RPS7: variants seen among roughly 807,000 people sequenced by gnomAD.
RPS7 encodes the protein ribosomal protein S7, also known as small ribosomal subunit protein eS7.
In RPS7, 1 loss-of-function variant was observed where a neutral mutation model predicts 22.1. The observed-to-expected ratio is 0.05, with a 90% CI of 0.02 to 0.21. The LOEUF (loss-of-function observed/expected upper bound fraction) is 0.21. RPS7 is among the 10% of genes least tolerant of loss of function. The probability of loss-of-function intolerance (pLI) is 1.00; values close to 1 mark genes in which losing one functional copy is unlikely to be tolerated. For synonymous variants in RPS7, 80 were observed against 92.0 expected, an observed-to-expected ratio of 0.87 and a Z score of 0.74; for missense variants, 137 against 246.4, an observed-to-expected ratio of 0.56 and a Z score of 2.97.
chr2:3,577,169 A>G, intron 4 of RPS7: 1 of 183,654 alleles, frequency 5.4e-6, no homozygotes, highest in South Asian at 1.0e-4. Flanking sequence ...CCCCGTCTGT[A>G]CTAAAAAATA....
rs898306086 is a variant in RPS7 at position 3,575,317 on chromosome 2, A to C, written c.-52A>C. On this transcript the variant is annotated 5_prime_UTR_variant, in exon 1 of 7. Coordinates refer to ENST00000645674, the MANE Select transcript of RPS7 (RefSeq NM_001011.4). ...CCGGATTTTGACGTGCTCTCGCGAGATTTGGGTCTCTTCCTAAGCCGGCGC... is the reference window on the plus strand; with the variant it reads ...CCGGATTTTGACGTGCTCTCGCGAGCTTTGGGTCTCTTCCTAAGCCGGCGC... The C allele has an allele frequency of 2.1e-6, 1 of 479,594 alleles. No individual in the cohort carries two copies. The highest frequency in any genetic ancestry group is 3.7e-6 in the Non-Finnish European group (1 of 268,158). The allele number at this position is 479,594 out of a possible 1,614,324, so 29.7% of individuals were successfully genotyped here.
intron 3 of RPS7, chr2:3,576,244 G>C (rs1558472271): frequency 6.6e-6 from 4 of 602,124 alleles, no homozygotes; most frequent in Admixed American, 2.9e-5. Context: ...CGCAAGTGGG[G>C]GTGCAGAAGT....
At chr2:3,576,255 G>C in intron 3 of RPS7, 1 of 611,804 alleles carries the variant, frequency 1.6e-6, no homozygotes, top group South Asian at 2.0e-5. Flanking sequence ...GTGCAGAAGT[G>C]GTAGTGATTG....
chr2:3,575,385 C>G (rs1265294567), intron 1 of RPS7, 35 bp downstream of exon 1: 3 of 568,806 alleles, frequency 5.3e-6, no homozygotes, highest in Admixed American at 3.4e-5. Context: ...CAGAACTTTT[C>G]TTCTTGGGTT....
At chr2:3,575,455 A>G in intron 1 of RPS7, 105 bp downstream of exon 1, 1 of 664,514 alleles carries the variant, frequency 1.5e-6, no homozygotes, top group Non-Finnish European at 2.7e-6. Flanking sequence ...CAGGGTGGGG[A>G]TACAGCCGAT....
At chr2:3,580,063 G>C (rs1247785150) in intron 5 of RPS7, 47 bp from the exon 6 acceptor site, 11 of 1,604,370 alleles carry the variant, frequency 6.9e-6, no homozygotes, top group Non-Finnish European at 9.4e-6. Flanking sequence ...GAGTTGCCCA[G>C]AGGGCAGGCG....
Position 3,575,874 on chromosome 2 carries a change from A to G in RPS7, c.133A>G (p.Ile45Val), listed in dbSNP as rs1661264441. ...CAAGGCTCAGCTCAGGGAGCTGAAT[A>G]TTACGGCAGCTAAGGTAAGCTGGCG... ...DLKAQLRELNITAAKEIEVGG... is the reference protein window; with the variant it reads ...DLKAQLRELNVTAAKEIEVGG... Residue 45 changes from isoleucine to valine, a missense_variant, in exon 3 of 7, where the codon ATT (isoleucine) becomes GTT (valine). Ile to Val is a conservative substitution (Grantham distance 29). Transcript: ENST00000645674. 1 of 1,609,108 alleles carries G rather than the reference A, an allele frequency of 6.2e-7. No individual in the cohort carries two copies. The highest frequency in any genetic ancestry group is 8.5e-7 in the Non-Finnish European group (1 of 1,177,886).
intron 5 of RPS7, chr2:3,579,506 A>G (rs575140110): frequency 6.1e-6 from 1 of 164,232 alleles, no homozygotes. Context: ...CCGTCTCTTG[A>G]CTTACTCCTG....
In RPS7 at chr2:3,576,621, T is replaced by C; in HGVS notation, c.282T>C (p.Phe94=). Residue 94 remains phenylalanine, a synonymous_variant, in exon 4 of 7, where the codon TTT becomes TTC. Coordinates refer to ENST00000645674, the MANE Select transcript of RPS7 (RefSeq NM_001011.4). ...AGTTCAGTGGGAAGCATGTCGTCTT[T>C]ATCGCTCAGGTATCTGTTCTACTGT... is the stretch of plus-strand genomic sequence containing the variant. ...EKKFSGKHVV[F]IAQRRILPKP... 2 of 1,614,216 alleles carry C rather than the reference T, an allele frequency of 1.2e-6. No homozygotes were observed. Among genetic ancestry groups the C allele is most frequent in the Non-Finnish European group, 1.7e-6 (2 of 1,180,034 alleles).
Position 3,576,220 on chromosome 2 carries a change from T to A in RPS7, c.148-267T>A, listed in dbSNP as rs1002080166. Reference sequence around the variant, plus strand: ...CTCAGGATGAGATTCTCTCTACCCTTAGCCCGGAGTTGCCGCAAGTGGGGG... The same window carrying A: ...CTCAGGATGAGATTCTCTCTACCCTAAGCCCGGAGTTGCCGCAAGTGGGGG... On this transcript the variant is annotated intron_variant, in intron 3 of 6. Transcript: ENST00000645674. 9 of 594,996 alleles carry A rather than the reference T, an allele frequency of 1.5e-5. No individual in the cohort carries two copies. In the African/African-American group the frequency reaches 1.7e-4, roughly 11 times the overall value. 36.9% of individuals were successfully genotyped at this position (594,996 alleles called of 1,614,324 possible).
At chr2:3,577,010 A>C (rs562578785) in intron 4 of RPS7, 14 of 315,202 alleles carry the variant, frequency 4.4e-5, no homozygotes, top group South Asian at 3.9e-4. Context: ...CCACAAGTCT[A>C]GTGGGTTGCT....
chr2:3,575,751 C>G lies in RPS7; in HGVS notation c.76-66C>G, dbSNP rs1572357791. 6 of 1,593,024 alleles carry G rather than the reference C, an allele frequency of 3.8e-6. No homozygotes were observed. In the East Asian group the frequency reaches 1.1e-4, roughly 30 times the overall value. ...CCGCCCGGGAGGGGAGGCGGCCGCG[C>G]GTGTGTTGGGCCCGGGGTGCTCGGA... is the stretch of plus-strand genomic sequence containing the variant. On this transcript the variant is annotated intron_variant, in intron 2 of 6. Coordinates refer to ENST00000645674, the MANE Select transcript of RPS7 (RefSeq NM_001011.4).
chr2:3,579,736 A>G, intron 5 of RPS7: 1 of 314,288 alleles, frequency 3.2e-6, no homozygotes, highest in Non-Finnish European at 6.1e-6. Flanking sequence ...GGAGATGAGC[A>G]AGAGTGTTAA....
At chr2:3,576,368 T>C (rs1332238785) in intron 3 of RPS7, 119 bp from the exon 4 acceptor site, 2 of 863,758 alleles carry the variant, frequency 2.3e-6, no homozygotes, top group African/African-American at 1.7e-5. Context: ...AACTCAAAAC[T>C]AGTATTAGTT....
rs772118458 is a variant in RPS7, at chr2:3,576,594, A to G, written c.255A>G (p.Lys85=). The G allele has an allele frequency of 2.5e-6, 4 of 1,614,236 alleles. No homozygotes were observed. The South Asian group carries it at 3.3e-5, about 13-fold the overall frequency. Residue 85 remains lysine, a synonymous_variant, in exon 4 of 7, where the codon AAA becomes AAG. Coordinates refer to ENST00000645674, the MANE Select transcript of RPS7 (RefSeq NM_001011.4). The part of the protein sequence containing the change: ...IQVRLVRELE[K]KFSGKHVVFI... Reference sequence around the variant, plus strand: ...TCCGGCTAGTACGCGAATTGGAGAAAAAGTTCAGTGGGAAGCATGTCGTCT... The same window carrying G: ...TCCGGCTAGTACGCGAATTGGAGAAGAAGTTCAGTGGGAAGCATGTCGTCT...
intron 1 of RPS7, 43 bp from the exon 2 acceptor site, chr2:3,575,549 G>T: frequency 1.1e-5 from 16 of 1,444,132 alleles, no homozygotes; most frequent in Non-Finnish European, 1.5e-5. Flanking sequence ...AGCCAGCGGC[G>T]CCTGCAGCCC....
chr2:3,577,821 C>T, intron 5 of RPS7, 47 bp downstream of exon 5: 1 of 1,220,822 alleles, frequency 8.2e-7, no homozygotes, highest in South Asian at 1.2e-5. Flanking sequence ...CTCTTATTAA[C>T]AACTCTTAAT....
chr2:3,576,252 A>C, intron 3 of RPS7: 1 of 610,074 alleles, frequency 1.6e-6, no homozygotes, highest in Non-Finnish European at 2.9e-6. Context: ...GGGGTGCAGA[A>C]GTGGTAGTGA....
At chr2:3,577,393 T>TG (rs1460199444) in intron 4 of RPS7, 9 of 332,822 alleles carry the variant, frequency 2.7e-5, no homozygotes, top group African/African-American at 4.3e-5. Flanking sequence ...CTGAAGTCTA[T>TG]GGGGAATGAA....
Sources: allele counts gnomAD v4.1 joint callset, GRCh38; gene constraint gnomAD v4.1.1; transcripts MANE v1.5; gene names NCBI Gene and HGNC (gene_info 2026-07-23, HGNC 2026-07-21).